XKR6: variants seen among roughly 807,000 people sequenced by gnomAD.
XKR6 encodes the protein XK-related protein 6.
In XKR6, 22 loss-of-function variants were observed where a neutral mutation model predicts 56.7. That is an observed-to-expected ratio of 0.39 (90% CI 0.28 to 0.55). XKR6 has a LOEUF of 0.55. XKR6 is among the 20% of genes least tolerant of loss of function. The probability of loss-of-function intolerance (pLI) is 0.66; values close to 1 mark genes in which losing one functional copy is unlikely to be tolerated. For synonymous variants in XKR6, 524 were observed against 387.8 expected, an observed-to-expected ratio of 1.35 and a Z score of -4.13; for missense variants, 852 against 889.0, an observed-to-expected ratio of 0.96 and a Z score of 0.53.
chr8:11,153,974 C>T (rs1015018763), intron 1 of XKR6, among the ~76,000 whole-genome samples: 4 of 152,234 alleles, frequency 2.6e-5, no homozygotes, highest in African/African-American at 9.6e-5. Context: ...CCCTGCCCTT[C>T]AAGACCATTC....
chr8:11,175,226 T>G (rs1017056745), intron 1 of XKR6: 1 of 152,568 alleles, frequency 6.6e-6, no homozygotes, highest in Non-Finnish European at 1.5e-5. Context: ...CATTCTGATG[T>G]TACAATGGTA....
intron 1 of XKR6, among the ~76,000 whole-genome samples, chr8:10,978,005 A>T (rs1342347554): frequency 6.6e-6 from 1 of 152,032 alleles, no homozygotes; most frequent in South Asian, 2.1e-4. Flanking sequence ...TGCTCTTTTG[A>T]TTAACATTAT....
rs747499308 is a variant in XKR6, at chr8:11,200,635, G to A, written c.705C>T (p.Arg235=). Residue 235 remains arginine, a synonymous_variant, in exon 1 of 3, where the codon CGC becomes CGT. Transcript: ENST00000416569. The surrounding 1 kb of genome is among the most constrained non-coding windows in gnomAD (Gnocchi z 6.4). The stretch of plus-strand genomic sequence containing the variant: ...CCGACTGCCAGATCCACACGGAGAG[G>A]CGACACAGGCGCTGCGCCCCCGGCG... ...SPTPGAQRLC[R]LSVWIWQSVI... is the part of the protein sequence containing the mutation. The A allele has an allele frequency of 6.4e-6, 10 of 1,551,668 alleles. No homozygotes were observed. In the Admixed American group the frequency reaches 2.1e-4, roughly 32 times the overall value.
At chr8:10,960,182 T>C (rs1347592541) in intron 1 of XKR6, among the ~76,000 whole-genome samples, 17 of 151,558 alleles carry the variant, frequency 1.1e-4, no homozygotes, top group African/African-American at 9.8e-5. Context: ...AGTGCAGGTA[T>C]AGCAGGCAGG....
At chr8:10,925,044 T>G (rs1232897515) in intron 1 of XKR6, among the ~76,000 whole-genome samples, 1 of 152,074 alleles carries the variant, frequency 6.6e-6, no homozygotes, top group Non-Finnish European at 1.5e-5. Context: ...AGGAAAGGAT[T>G]TGACCCCTCG....
intron 1 of XKR6, chr8:11,195,051 T>C (rs1413864080): frequency 1.5e-5 from 10 of 682,746 alleles, no homozygotes; most frequent in Non-Finnish European, 2.4e-5. Flanking sequence ...TTATTCATTC[T>C]CCTGGAGGAA....
At chr8:10,917,716 A>G (rs1800599970) in intron 2 of XKR6, among the ~76,000 whole-genome samples, 2 of 152,194 alleles carry the variant, frequency 1.3e-5, no homozygotes, top group African/African-American at 4.8e-5. Context: ...TTTCAGGGCC[A>G]GAGAGATCTA....
chr8:11,155,934 TGAA>T (rs1477900378), intron 1 of XKR6, among the ~76,000 whole-genome samples: 2 of 152,336 alleles, frequency 1.3e-5, no homozygotes, highest in East Asian at 3.9e-4. Flanking sequence ...CCTGATGCAA[TGAA>T]GGAGGCGCCT....
At chr8:11,043,669 A>T (rs1288940134) in intron 1 of XKR6, among the ~76,000 whole-genome samples, 1 of 152,218 alleles carries the variant, frequency 6.6e-6, no homozygotes, top group Non-Finnish European at 1.5e-5. Context: ...CTCCCAAACC[A>T]CTGAATGGTC....
At chr8:11,120,096 A>C (rs888008451) in intron 1 of XKR6, among the ~76,000 whole-genome samples, 2 of 152,206 alleles carry the variant, frequency 1.3e-5, no homozygotes, top group Non-Finnish European at 2.9e-5. Flanking sequence ...ATGGACAAAA[A>C]CTGAAAGCAT....
chr8:11,109,138 G>A (rs1798795154), intron 1 of XKR6: 1 of 152,082 alleles, frequency 6.6e-6, no homozygotes, highest in Non-Finnish European at 1.5e-5. Flanking sequence ...GTACAACTGA[G>A]GCCAACATAA....
chr8:10,985,575 C>T (rs1208682633), intron 1 of XKR6, among the ~76,000 whole-genome samples: 4 of 141,918 alleles, frequency 2.8e-5, no homozygotes, highest in African/African-American at 5.2e-5. Context: ...TTGCTGATGA[C>T]AGAATTCTAC....
chr8:10,961,533 T>A (rs1802061114), intron 1 of XKR6, among the ~76,000 whole-genome samples: 1 of 152,202 alleles, frequency 6.6e-6, no homozygotes, highest in African/African-American at 2.4e-5. Context: ...CAGTCCACAC[T>A]TGATGAGTAC....
chr8:11,141,922 T>C (rs1800720204), intron 1 of XKR6, among the ~76,000 whole-genome samples: 1 of 151,876 alleles, frequency 6.6e-6, no homozygotes, highest in Admixed American at 6.6e-5. Flanking sequence ...TTTCTTGATC[T>C]GGTAACTGGT....
At chr8:11,142,320 G>A (rs1800745396) in intron 1 of XKR6, among the ~76,000 whole-genome samples, 1 of 147,074 alleles carries the variant, frequency 6.8e-6, no homozygotes, top group South Asian at 2.1e-4. Flanking sequence ...TGACATACCA[G>A]ACAGCAAGAA....
chr8:11,134,867 C>T (rs1706354177), intron 1 of XKR6, among the ~76,000 whole-genome samples: 1 of 152,004 alleles, frequency 6.6e-6, no homozygotes. Flanking sequence ...AGTACAACCA[C>T]ATAAAATGCT....
rs1232459692 is a variant in XKR6 at position 11,045,363 on chromosome 8, T to C, written c.765-120533A>G. Among the ~76,000 whole-genome samples the C allele has an allele frequency of 3.9e-5, 6 of 152,124 alleles. No homozygotes were observed. In the East Asian group the frequency reaches 5.8e-4, roughly 15 times the overall value. ...TTGGCCTCCCAGAGTGCTGGGATTA[T>C]AGGTGTGAGCCACTGTGCATGGCCT... On this transcript the variant is annotated intron_variant, in intron 1 of 2. Coordinates refer to ENST00000416569, the MANE Select transcript of XKR6 (RefSeq NM_173683.4).
intron 1 of XKR6, among the ~76,000 whole-genome samples, chr8:11,041,647 C>T (rs575417899): frequency 3.4e-4 from 51 of 151,908 alleles, no homozygotes; most frequent in Middle Eastern, 3.4e-3. Flanking sequence ...ACTGCTGGTA[C>T]GTGGGTAGTG....
At chr8:11,196,397 T>A (rs546853127) in intron 1 of XKR6, among the ~76,000 whole-genome samples, 1 of 152,190 alleles carries the variant, frequency 6.6e-6, no homozygotes, top group African/African-American at 2.4e-5. Flanking sequence ...ATGAGATTAA[T>A]ACTTGAGCTC....
Sources: allele counts gnomAD v4.1 joint callset (sites outside exome capture counted in the v4.1 genomes callset), GRCh38; gene constraint gnomAD v4.1.1; non-coding constraint Gnocchi (gnomAD v3.1); transcripts MANE v1.5; gene names NCBI Gene and HGNC (gene_info 2026-07-23, HGNC 2026-07-21).